SMG9: variants seen among roughly 807,000 people sequenced by gnomAD.
SMG9 encodes nonsense-mediated mRNA decay factor SMG9.
SMG9 carries 55 observed loss-of-function variants against 64.0 expected under a neutral mutation model. That is an observed-to-expected ratio of 0.86 (90% CI 0.69 to 1.08). The LOEUF is 1.08. Among genes scored for constraint, SMG9 ranks in the 50% least tolerant of loss-of-function variants. The pLI is 0.00. For missense variants in SMG9, 554 were observed against 681.3 expected (o/e 0.81, Z 2.08); for synonymous variants, 244 against 254.8 (o/e 0.96, Z 0.41).
In SMG9 at chr19:43,737,617, G is replaced by A. The variant is rs1424154341; in HGVS notation, c.975C>T (p.Phe325=). Residue 325 remains phenylalanine, a synonymous_variant, in exon 9 of 14, where the codon TTC becomes TTT. Coordinates refer to ENST00000270066, the MANE Select transcript of SMG9 (RefSeq NM_019108.4). ...CHVVIVVQDW[F]TDLSLYRFLQ... ...CTCACCTGTAGAGACTGAGGTCTGT[G>A]AACCAGTCCTGGACAACAATCACCA... 2 of 1,613,860 alleles carry A rather than the reference G, an allele frequency of 1.2e-6. No individual in the cohort carries two copies. Among genetic ancestry groups the A allele is most frequent in the South Asian group, 2.2e-5 (2 of 91,044 alleles).
At position 43,731,131 on chromosome 19, in the gene SMG9, G is replaced by GT. The variant is rs1272706040; in HGVS notation, c.*464dup. 3 of 988,582 alleles carry GT rather than the reference G, an allele frequency of 3.0e-6. No homozygotes were observed. In the African/African-American group the frequency reaches 5.2e-5, roughly 17 times the overall value. 61.2% of individuals were successfully genotyped at this position (988,582 alleles called of 1,614,324 possible). ...CCAGAGCTGCATGGTGGGTAGAGGA[G>GT]TAAGTGGAACATAAGAACAGGCTTG... is the stretch of plus-strand genomic sequence containing the variant. On this transcript the variant is annotated 3_prime_UTR_variant, in exon 14 of 14. Transcript: ENST00000270066.
rs187602433 is a variant in SMG9, at chr19:43,735,249, T to C, written c.996-754A>G. ...TTCCATTGTCTAGATGTGCCACTGA[T>C]GATTTATCCATTCGATTTACTGAAA... On this transcript the variant is annotated intron_variant, in intron 9 of 13. Coordinates refer to ENST00000270066, the MANE Select transcript of SMG9 (RefSeq NM_019108.4). Among the ~76,000 whole-genome samples the C allele has an allele frequency of 7.2e-5, 11 of 152,364 alleles. 1 individual carries two copies. In the East Asian group the frequency reaches 2.1e-3, roughly 29 times the overall value.
intron 12 of SMG9, 78 bp downstream of exon 12, chr19:43,733,246 C>T: frequency 6.4e-7 from 1 of 1,560,110 alleles, no homozygotes; most frequent in Non-Finnish European, 8.7e-7. Flanking sequence ...ATGTCGCCTC[C>T]TAGACCAGTG....
chr19:43,741,274 G>C (rs1292538572), intron 6 of SMG9, among the ~76,000 whole-genome samples: 1 of 152,210 alleles, frequency 6.6e-6, no homozygotes, highest in Non-Finnish European at 1.5e-5. Context: ...GGGTGAGAGA[G>C]AAAGAGGGAG....
rs193042614 is a variant in SMG9, at chr19:43,750,540, T to C, written c.150+52A>G. ...GGATTAGTGCCTGGCACATGGCAGG[T>C]GCGTGGAACCAAATAGATACATGAA... On this transcript the variant is annotated intron_variant, in intron 2 of 13. Coordinates refer to ENST00000270066, the MANE Select transcript of SMG9 (RefSeq NM_019108.4). 7.5e-5 allele frequency: 116 copies of C among 1,556,962 alleles called. No homozygotes were observed. The African/African-American group carries it at 1.5e-3, about 21-fold the overall frequency.
At chr19:43,748,557 C>A in intron 2 of SMG9, 1 of 471,012 alleles carries the variant, frequency 2.1e-6, no homozygotes, top group Non-Finnish European at 4.2e-6. Flanking sequence ...GGCAGGTGCT[C>A]ACTATGTGAG....
In SMG9 at chr19:43,729,819, G is replaced by C. The variant is rs1968415586; in HGVS notation, c.*1777C>G. ...TTAGAAGCATTTCGGTAAAAGGGCA[G>C]TGAATGTCACAGCTCTGAAGGGCCT... On this transcript the variant is annotated 3_prime_UTR_variant, in exon 14 of 14. Coordinates refer to ENST00000270066, the MANE Select transcript of SMG9 (RefSeq NM_019108.4). 6.6e-6 allele frequency: 1 copy of C among 152,364 alleles called. No individual in the cohort carries two copies. Among genetic ancestry groups the C allele is most frequent in the Non-Finnish European group, 1.5e-5 (1 of 68,152 alleles). The allele number at this position is 152,364 out of a possible 1,614,324, so 9.4% of individuals were successfully genotyped here.
chr19:43,752,960 G>T (rs1283635718), intron 1 of SMG9, among the ~76,000 whole-genome samples: 1 of 144,540 alleles, frequency 6.9e-6, no homozygotes, highest in Non-Finnish European at 1.5e-5. Flanking sequence ...CCCTTGCTTA[G>T]CTTGGAAGTA....
chr19:43,741,330 G>A (rs146658392), intron 6 of SMG9, among the ~76,000 whole-genome samples: 99 of 152,280 alleles, frequency 6.5e-4, no homozygotes, highest in Admixed American at 2.2e-3. Flanking sequence ...AGGTTGCATC[G>A]GCAGAAAGTA....
Position 43,750,651 on chromosome 19 carries a change from G to C in SMG9, c.91C>G (p.Leu31Val). Residue 31 changes from leucine to valine, a missense_variant, in exon 2 of 14, where the codon CTC becomes GTC. Leu to Val is a conservative substitution (Grantham distance 32). Coordinates refer to ENST00000270066, the MANE Select transcript of SMG9 (RefSeq NM_019108.4). ...CTCTCCCGACCACCAGGCCCAGAGA[G>C]ATTCTGGGGGCCACCAGAGCCAGGC... ...KEPGSGGPQNLSGPGGRERDY... is the reference protein window; with the variant it reads ...KEPGSGGPQNVSGPGGRERDY... 1 of 1,614,024 alleles carries C rather than the reference G, an allele frequency of 6.2e-7. No homozygotes were observed. The highest frequency in any genetic ancestry group is 8.5e-7 in the Non-Finnish European group (1 of 1,179,994).
chr19:43,731,519 G>C lies in SMG9; in HGVS notation c.*77C>G. On this transcript the variant is annotated 3_prime_UTR_variant, in exon 14 of 14. Transcript: ENST00000270066. ...CCTGCTGCCGCTCTCCACCCCAGCG[G>C]GGGATGGACATCTGTGCTCCCTCGC... 6.3e-7 allele frequency: 1 copy of C among 1,595,548 alleles called. No homozygotes were observed. Among genetic ancestry groups the C allele is most frequent in the Non-Finnish European group, 8.6e-7 (1 of 1,168,104 alleles).
rs970746475 is a variant in SMG9 at position 43,732,969 on chromosome 19, G to C, written c.1373C>G (p.Pro458Arg). Reference sequence around the variant, plus strand: ...GAAACTGGGGTGGCCACGATACCCAGGCAGCAGGGAGAAGAGTGGGCTGGA... The same window carrying C: ...GAAACTGGGGTGGCCACGATACCCACGCAGCAGGGAGAAGAGTGGGCTGGA... ...PGSSPLFSLL[P>R]GYRGHPSFQS... The change falls in exon 13 of 14, where the codon CCT becomes CGT. Residue 458 changes from proline (P) to arginine (R), a missense_variant. Transcript: ENST00000270066. The C allele has an allele frequency of 6.2e-7, 1 of 1,613,590 alleles. No homozygotes were observed. The highest frequency in any genetic ancestry group is 1.7e-5 in the Admixed American group (1 of 59,880).
At chr19:43,753,766 G>C (rs1052053520) in intron 1 of SMG9, among the ~76,000 whole-genome samples, 6 of 152,000 alleles carry the variant, frequency 3.9e-5, no homozygotes, top group Non-Finnish European at 8.8e-5. Flanking sequence ...TGGCCTCCCT[G>C]TGCCCTTTAT....
At chr19:43,749,381 T>C (rs1458227978) in intron 2 of SMG9, among the ~76,000 whole-genome samples, 3 of 152,126 alleles carry the variant, frequency 2.0e-5, no homozygotes, top group Non-Finnish European at 4.4e-5. Flanking sequence ...AAGAAGCCCA[T>C]GGGTGTGACA....
intron 1 of SMG9, 116 bp from the exon 2 acceptor site, chr19:43,750,863 C>T (rs1425002665): frequency 1.1e-5 from 11 of 981,002 alleles, no homozygotes; most frequent in African/African-American, 3.3e-5. Context: ...GTCTCTCTGT[C>T]GCCCAGGCTG....
chr19:43,728,955 C>T lies in SMG9; in HGVS notation c.*2641G>A. 3 of 985,396 alleles carry T rather than the reference C, an allele frequency of 3.0e-6. No homozygotes were observed. Among genetic ancestry groups the T allele is most frequent in the Non-Finnish European group, 3.6e-6 (3 of 829,844 alleles). 61.0% of individuals were successfully genotyped at this position (985,396 alleles called of 1,614,324 possible). A position where few individuals can be genotyped will look rare whatever the true frequency, so the allele number is the denominator to read the frequency against. On this transcript the variant is annotated 3_prime_UTR_variant, in exon 14 of 14. Transcript: ENST00000270066. ...AGGCATTCCTGGTGGCCAGGCCCAT[C>T]TTGCAGCCCATCCTAGAGCAGAAGG...
At chr19:43,749,101 G>A (rs374963244) in intron 2 of SMG9, among the ~76,000 whole-genome samples, 15 of 152,254 alleles carry the variant, frequency 9.9e-5, no homozygotes, top group South Asian at 4.1e-4. Context: ...TAAATGTCAC[G>A]TTGGTGCTCA....
intron 5 of SMG9, 85 bp from the exon 6 acceptor site, chr19:43,744,969 C>A: frequency 1.1e-6 from 1 of 931,260 alleles, no homozygotes. Flanking sequence ...ACCCTTGTGG[C>A]TCCCCCACCT....
At chr19:43,737,791 A>C in intron 8 of SMG9, 109 bp from the exon 9 acceptor site, 1 of 1,042,696 alleles carries the variant, frequency 9.6e-7, no homozygotes, top group South Asian at 1.5e-5. Flanking sequence ...AGGAGCCTTC[A>C]AGCAGCTACT....
Sources: allele counts gnomAD v4.1 joint callset (sites outside exome capture counted in the v4.1 genomes callset), GRCh38; gene constraint gnomAD v4.1.1; transcripts MANE v1.5; gene names NCBI Gene and HGNC (gene_info 2026-07-23, HGNC 2026-07-21).